The following EPHA3 variants were observed in gnomAD, a reference collection of about 807,000 sequenced individuals.
EPHA3 encodes EPH receptor A3.
EPHA3 carries 42 observed loss-of-function variants against 107.1 expected under a neutral mutation model. That is an observed-to-expected ratio of 0.39 (90% CI 0.31 to 0.51). EPHA3 has a LOEUF of 0.51. EPHA3 is among the 20% of genes least tolerant of loss of function. The probability of loss-of-function intolerance (pLI) is 0.78; values close to 1 mark genes in which losing one functional copy is unlikely to be tolerated. For missense variants in EPHA3, 1,183 were observed against 1,211.2 expected (o/e 0.98, Z 0.35); for synonymous variants, 461 against 424.8 (o/e 1.09, Z -1.05).
intron 15 of EPHA3, among the ~76,000 whole-genome samples, chr3:89,453,903 C>T (rs1325204313): frequency 6.6e-6 from 1 of 152,050 alleles, no homozygotes; most frequent in Non-Finnish European, 1.5e-5. Flanking sequence ...AAGGCAGTGT[C>T]CCTCTATTTG....
In EPHA3 at chr3:89,365,749, C is replaced by T. The variant is rs1298354609; in HGVS notation, c.1306+23659C>T. 2.7e-5 allele frequency among the ~76,000 whole-genome samples: 4 copies of T among 150,608 alleles called. 1 individual carries two copies. The highest frequency in any genetic ancestry group is 2.1e-4 in the South Asian group (1 of 4,778). On this transcript the variant is annotated intron_variant, in intron 5 of 16. Transcript: ENST00000336596. ...AAGTAGAGAGGAATAGAGGACAAAG[C>T]GGTATGACTGTCCTCATGTCCTTGA... is the stretch of plus-strand genomic sequence containing the variant.
chr3:89,257,330 AGTCACGTTTAG>A (rs929650451), intron 3 of EPHA3, among the ~76,000 whole-genome samples: 20 of 152,180 alleles, frequency 1.3e-4, no homozygotes, highest in Admixed American at 1.2e-3. Flanking sequence ...TGGCTAATTC[AGTCACGTTTAG>A]GTCTGGTGAA....
intron 16 of EPHA3, among the ~76,000 whole-genome samples, chr3:89,474,452 G>A (rs995720551): frequency 1.4e-4 from 21 of 152,092 alleles, no homozygotes; most frequent in African/African-American, 4.8e-4. Context: ...TCTTATTTTA[G>A]TAATATAAAC....
intron 3 of EPHA3, among the ~76,000 whole-genome samples, chr3:89,317,766 A>G (rs1478100206): frequency 2.0e-5 from 3 of 151,822 alleles, no homozygotes; most frequent in Non-Finnish European, 2.9e-5. Context: ...TTTATGGAAT[A>G]TTTTTACAAT....
chr3:89,344,181 T>C (rs1707592300), intron 5 of EPHA3, among the ~76,000 whole-genome samples: 1 of 152,194 alleles, frequency 6.6e-6, no homozygotes, highest in South Asian at 2.1e-4. Flanking sequence ...TCCTATCTTA[T>C]CATTCCCCTC....
chr3:89,214,025 T>G (rs1026538505), intron 3 of EPHA3, among the ~76,000 whole-genome samples: 31 of 152,002 alleles, frequency 2.0e-4, no homozygotes, highest in Non-Finnish European at 2.9e-5. Flanking sequence ...CATTATAGCT[T>G]TATAATAGCT....
At chr3:89,114,451 A>G (rs1371965753) in intron 1 of EPHA3, among the ~76,000 whole-genome samples, 1 of 152,128 alleles carries the variant, frequency 6.6e-6, no homozygotes. Flanking sequence ...CTCACTCTGC[A>G]TCAAATTAAA....
intron 2 of EPHA3, among the ~76,000 whole-genome samples, chr3:89,137,414 T>G (rs1704336623): frequency 6.6e-6 from 1 of 152,022 alleles, no homozygotes; most frequent in Non-Finnish European, 1.5e-5. Flanking sequence ...CTTATTACAC[T>G]CTGGTGCTTA....
At chr3:89,357,901 T>A (rs1287352702) in intron 5 of EPHA3, among the ~76,000 whole-genome samples, 1 of 151,328 alleles carries the variant, frequency 6.6e-6, no homozygotes, top group African/African-American at 2.4e-5. Flanking sequence ...GTTTCCATTC[T>A]AAGCTGCTTT....
chr3:89,171,404 G>A (rs948342492), intron 2 of EPHA3, among the ~76,000 whole-genome samples: 4 of 152,254 alleles, frequency 2.6e-5, no homozygotes, highest in Admixed American at 2.6e-4. Flanking sequence ...TAAGTTGGAA[G>A]CAATTAATTT....
chr3:89,208,462 G>GAAAGAAAGAAAGAAAGAAAGAAAGAA lies in EPHA3; in HGVS notation c.154-1377_154-1376insAAGAAAAAGAAAGAAAGAAAGAAAGA, dbSNP rs1553664802. On this transcript the variant is annotated intron_variant, in intron 2 of 16. Coordinates refer to ENST00000336596, the MANE Select transcript of EPHA3 (RefSeq NM_005233.6). ...AGAAAGAAAGAAAGAAAGAAAGAAA[G>GAAAGAAAGAAAGAAAGAAAGAAAGAA]AAAGAAAGAAAGAAAGAAAGAGAAA... is the stretch of plus-strand genomic sequence containing the variant. Among the ~76,000 whole-genome samples, 743 of 104,280 alleles carry GAAAGAAAGAAAGAAAGAAAGAAAGAA rather than the reference G, an allele frequency of 7.1e-3. 31 individuals carry two copies. Among genetic ancestry groups the GAAAGAAAGAAAGAAAGAAAGAAAGAA allele is most frequent in the African/African-American group, 0.014 (302 of 21,016 alleles). The allele number at this position is 104,280 out of a possible 152,430, so 68.4% of individuals were successfully genotyped here.
chr3:89,224,596 C>G (rs1704456345), intron 3 of EPHA3, among the ~76,000 whole-genome samples: 3 of 152,138 alleles, frequency 2.0e-5, no homozygotes, highest in Admixed American at 2.0e-4. Context: ...TACCTGTAAT[C>G]TCAGCACTTT....
chr3:89,451,103 C>A (rs986622541), intron 15 of EPHA3, among the ~76,000 whole-genome samples: 1 of 152,072 alleles, frequency 6.6e-6, no homozygotes, highest in Non-Finnish European at 1.5e-5. Flanking sequence ...TGCTAGACAC[C>A]ATTGAAGATA....
chr3:89,435,378 C>A (rs1709646932), intron 13 of EPHA3, among the ~76,000 whole-genome samples: 1 of 149,638 alleles, frequency 6.7e-6, no homozygotes, highest in African/African-American at 2.5e-5. Flanking sequence ...GGCAGGAGGA[C>A]CTCTTAAGCT....
chr3:89,139,382 C>T (rs1481014300), intron 2 of EPHA3, among the ~76,000 whole-genome samples: 1 of 151,678 alleles, frequency 6.6e-6, no homozygotes, highest in Non-Finnish European at 1.5e-5. Flanking sequence ...TCCAGAAATT[C>T]CCTGAATAAA....
Position 89,160,147 on chromosome 3 carries a change from G to A in EPHA3, c.153+32874G>A, listed in dbSNP as rs1704897935. 2.0e-5 allele frequency among the ~76,000 whole-genome samples: 3 copies of A among 152,156 alleles called. No homozygotes were observed. The South Asian group carries it at 6.2e-4, about 32-fold the overall frequency. ...ACATTCCGTTAGGAGAAGGAAGTTT[G>A]CAAATGCTGTAAATGAACATAATAT... On this transcript the variant is annotated intron_variant, in intron 2 of 16. Coordinates refer to ENST00000336596, the MANE Select transcript of EPHA3 (RefSeq NM_005233.6).
chr3:89,107,690 C>A lies in EPHA3; in HGVS notation c.-59C>A. 1 of 1,494,808 alleles carries A rather than the reference C, an allele frequency of 6.7e-7. No individual in the cohort carries two copies. Among genetic ancestry groups the A allele is most frequent in the Non-Finnish European group, 9.3e-7 (1 of 1,074,252 alleles). 92.6% of individuals were successfully genotyped at this position (1,494,808 alleles called of 1,614,324 possible). On this transcript the variant is annotated 5_prime_UTR_variant, in exon 1 of 17. Coordinates refer to ENST00000336596, the MANE Select transcript of EPHA3 (RefSeq NM_005233.6). ...CTCCAGCAATCAGAGCGCTCCCCCTCACATCAGTGGCATGCTTCATGGAGA... is the reference window on the plus strand; with the variant it reads ...CTCCAGCAATCAGAGCGCTCCCCCTAACATCAGTGGCATGCTTCATGGAGA...
chr3:89,173,610 T>C (rs1320924620), intron 2 of EPHA3, among the ~76,000 whole-genome samples: 1 of 152,086 alleles, frequency 6.6e-6, no homozygotes, highest in Non-Finnish European at 1.5e-5. Context: ...TAAAAGTAGA[T>C]TTTGCTTTAA....
At chr3:89,334,136 A>G (rs956836972) in intron 3 of EPHA3, among the ~76,000 whole-genome samples, 1 of 152,156 alleles carries the variant, frequency 6.6e-6, no homozygotes, top group African/African-American at 2.4e-5. Context: ...CATAACATAT[A>G]GTTTTATTAT....
Sources: gnomAD v4.1 joint callset for allele counts (sites outside exome capture counted in the v4.1 genomes callset) on GRCh38, gnomAD v4.1.1 for gene constraint, MANE v1.5 for transcripts, NCBI Gene and HGNC (gene_info 2026-07-23, HGNC 2026-07-21) for gene names.